CADPS: variants seen among roughly 807,000 people sequenced by gnomAD.
CADPS encodes the protein calcium-dependent secretion activator 1.
CADPS carries 57 observed loss-of-function variants against 167.3 expected under a neutral mutation model. The observed-to-expected ratio is 0.34, with a 90% CI of 0.28 to 0.42. The LOEUF (loss-of-function observed/expected upper bound fraction) is 0.42. Among genes scored for constraint, CADPS ranks in the 20% least tolerant of loss-of-function variants. The probability of loss-of-function intolerance (pLI) is 1.00; values close to 1 mark genes in which losing one functional copy is unlikely to be tolerated. For missense variants in CADPS, 1,414 were observed against 1,738.1 expected (o/e 0.81, Z 3.32); for synonymous variants, 676 against 635.3 (o/e 1.06, Z -0.96).
At chr3:62,574,544 C>T (rs2081922448) in intron 8 of CADPS, among the ~76,000 whole-genome samples, 1 of 152,172 alleles carries the variant, frequency 6.6e-6, no homozygotes, top group South Asian at 2.1e-4. Flanking sequence ...TCTGGGGTTA[C>T]ATAGATCATC....
chr3:62,844,668 A>G (rs2153061582), intron 1 of CADPS, among the ~76,000 whole-genome samples: 1 of 152,328 alleles, frequency 6.6e-6, no homozygotes, highest in East Asian at 1.9e-4. Context: ...GACCAAAACT[A>G]GAGACTTAAA....
intron 3 of CADPS, among the ~76,000 whole-genome samples, chr3:62,687,620 T>C (rs1215580092): frequency 1.3e-5 from 2 of 152,012 alleles, no homozygotes; most frequent in African/African-American, 4.8e-5. Flanking sequence ...GGGGTGATTA[T>C]CATGAGTACT....
At chr3:62,636,538 T>A (rs1233505735) in intron 6 of CADPS, among the ~76,000 whole-genome samples, 2 of 152,196 alleles carry the variant, frequency 1.3e-5, no homozygotes, top group Non-Finnish European at 2.9e-5. Flanking sequence ...CCCTGATAAT[T>A]GGCATCATGC....
At chr3:62,419,113 T>C (rs1395341403) in intron 28 of CADPS, among the ~76,000 whole-genome samples, 1 of 152,218 alleles carries the variant, frequency 6.6e-6, no homozygotes, top group Non-Finnish European at 1.5e-5. Flanking sequence ...AACTGTGATA[T>C]GTAAGAGAAA....
At chr3:62,435,537 T>C (rs189100790) in intron 28 of CADPS, among the ~76,000 whole-genome samples, 27 of 152,332 alleles carry the variant, frequency 1.8e-4, no homozygotes, top group Admixed American at 3.9e-4. Flanking sequence ...ACAGATTCAA[T>C]AACTTTTTTT....
chr3:62,494,238 G>T (rs1305013024), intron 18 of CADPS, among the ~76,000 whole-genome samples: 1 of 152,144 alleles, frequency 6.6e-6, no homozygotes, highest in African/African-American at 2.4e-5. Flanking sequence ...GAGCCCTGGG[G>T]TTTAGGGCTT....
intron 6 of CADPS, among the ~76,000 whole-genome samples, chr3:62,631,002 TA>T (rs1221915386): frequency 1.2e-4 from 19 of 152,170 alleles, no homozygotes; most frequent in South Asian, 1.0e-3. Context: ...ATGGGTCAAA[TA>T]TTTTTTTTTT....
rs371908925 is a variant in CADPS, at chr3:62,512,729, A to G, written c.2599+22T>C. The G allele has an allele frequency of 2.5e-5, 39 of 1,585,444 alleles. No homozygotes were observed. In the African/African-American group the frequency reaches 4.7e-4, roughly 19 times the overall value. ...TAACTCAACAGTCCTGATAATTTAT[A>G]ATGCATATACAATTGGTTCACCTGC... On this transcript the variant is annotated intron_variant, in intron 17 of 29. Transcript: ENST00000383710.
intron 1 of CADPS, among the ~76,000 whole-genome samples, chr3:62,861,951 T>C (rs1308285838): frequency 6.6e-6 from 1 of 152,160 alleles, no homozygotes; most frequent in East Asian, 1.9e-4. Flanking sequence ...CTCAGTCAGC[T>C]TGAGGCTTAG....
intron 3 of CADPS, among the ~76,000 whole-genome samples, chr3:62,686,547 A>T (rs747555856): frequency 2.3e-5 from 3 of 129,186 alleles, no homozygotes; most frequent in Admixed American, 2.2e-4. Context: ...ACTACAAGTG[A>T]TGATATAAGA....
intron 3 of CADPS, among the ~76,000 whole-genome samples, chr3:62,729,784 C>T (rs1477414305): frequency 6.6e-6 from 1 of 151,678 alleles, no homozygotes; most frequent in Non-Finnish European, 1.5e-5. Flanking sequence ...TCTCATTCTA[C>T]ATCAACAAGG....
rs2057254943 is a variant in CADPS at position 62,446,530 on chromosome 3, C to A, written c.3637-733G>T. 6.6e-6 allele frequency among the ~76,000 whole-genome samples: 1 copy of A among 152,200 alleles called. No individual in the cohort carries two copies. The highest frequency in any genetic ancestry group is 2.4e-5 in the African/African-American group (1 of 41,452). ...CTGTGTGACCTTGGGCAAGTTGCTT[C>A]ATCTCTCTGAGCCTCTGTTACCTCA... On this transcript the variant is annotated intron_variant, in intron 26 of 29. Coordinates refer to ENST00000383710, the MANE Select transcript of CADPS (RefSeq NM_003716.4). The surrounding 1 kb of genome is among the most constrained non-coding windows in gnomAD (Gnocchi z 4.9).
intron 8 of CADPS, among the ~76,000 whole-genome samples, chr3:62,573,641 A>G (rs1267354018): frequency 6.6e-6 from 1 of 152,326 alleles, no homozygotes; most frequent in African/African-American, 2.4e-5. Context: ...ACTTGGTACA[A>G]CCTATGCTGC....
intron 1 of CADPS, among the ~76,000 whole-genome samples, chr3:62,836,446 G>A (rs1198676798): frequency 6.6e-6 from 1 of 152,100 alleles, no homozygotes; most frequent in Non-Finnish European, 1.5e-5. Context: ...AGATGCAAAA[G>A]GACCACAAAA....
intron 1 of CADPS, among the ~76,000 whole-genome samples, chr3:62,810,055 T>A (rs749718436): frequency 6.6e-6 from 1 of 152,158 alleles, no homozygotes; most frequent in African/African-American, 2.4e-5. Flanking sequence ...CAGGCCAGGA[T>A]GCAATTCTAA....
At position 62,438,168 on chromosome 3, in the gene CADPS, C is replaced by T; in HGVS notation, c.3713G>A (p.Arg1238His). ...DVADAYVTFV[R>H]HSQDVLRDKV... ...ATCACGCAGGACATCCTGAGAATGG[C>T]GGACGAAAGTCACGTAGGCGTCGGC... The change falls in exon 28 of 30, where the codon CGC (arginine) becomes CAC (histidine). Residue 1238 changes from arginine to histidine, a missense_variant. Arg to His is a conservative substitution (Grantham distance 29, BLOSUM62 0). This residue lies in a region of CADPS where 185 missense variants were observed against 251.5 expected (regional missense o/e 0.74). Transcript: ENST00000383710. The surrounding 1 kb of genome is among the most constrained non-coding windows in gnomAD (Gnocchi z 4.7). 1 of 1,613,640 alleles carries T rather than the reference C, an allele frequency of 6.2e-7. No homozygotes were observed. The highest frequency in any genetic ancestry group is 8.5e-7 in the Non-Finnish European group (1 of 1,179,672).
chr3:62,563,457 G>A (rs971491969), intron 9 of CADPS, among the ~76,000 whole-genome samples: 4 of 152,084 alleles, frequency 2.6e-5, no homozygotes, highest in African/African-American at 9.7e-5. Context: ...ATTCTCAGTT[G>A]GGAATCAGAA....
rs1408469982 is a variant in CADPS, at chr3:62,420,225, GAAGACAAT to G, written c.3778-17048_3778-17041del. Among the ~76,000 whole-genome samples the G allele has an allele frequency of 4.6e-5, 7 of 152,200 alleles. No homozygotes were observed. Among genetic ancestry groups the G allele is most frequent in the Non-Finnish European group, 7.3e-5 (5 of 68,040 alleles). On this transcript the variant is annotated intron_variant, in intron 28 of 29. Transcript: ENST00000383710. The surrounding 1 kb of genome is among the most constrained non-coding windows in gnomAD (Gnocchi z 4.1). ...GGTACTGTCTGGAATCCTAGAATTT[GAAGACAAT>G]AAGACCCAACAACTCTAACTGGGTT...
At chr3:62,654,190 T>G (rs908503879) in intron 4 of CADPS, among the ~76,000 whole-genome samples, 14 of 152,148 alleles carry the variant, frequency 9.2e-5, no homozygotes, top group Non-Finnish European at 1.5e-4. Context: ...TCCCCATCAC[T>G]TGGAAAACAT....
Sources: gnomAD v4.1 joint callset for allele counts (sites outside exome capture counted in the v4.1 genomes callset) on GRCh38, gnomAD v4.1.1 for gene constraint, gnomAD v4.1.1 regional missense constraint, Gnocchi (gnomAD v3.1) non-coding constraint, MANE v1.5 for transcripts, NCBI Gene and HGNC (gene_info 2026-07-23, HGNC 2026-07-21) for gene names.